The following RORB variants were observed in gnomAD, a reference collection of about 807,000 sequenced individuals.
The protein encoded by RORB is RAR related orphan receptor B.
A neutral mutation model predicts 59.1 loss-of-function variants in RORB; 6 were observed. That is an observed-to-expected ratio of 0.10 (90% CI 0.06 to 0.20). The LOEUF (loss-of-function observed/expected upper bound fraction) is 0.20, where lower values mean the gene tolerates loss of function less well. RORB is among the 10% of genes least tolerant of loss of function. RORB has a pLI of 1.00. For synonymous variants in RORB, 215 were observed against 204.5 expected, an observed-to-expected ratio of 1.05 and a Z score of -0.44; for missense variants, 320 against 560.5, an observed-to-expected ratio of 0.57 and a Z score of 4.33.
At chr9:74,539,005 A>T (rs1826364657) in intron 1 of RORB, among the ~76,000 whole-genome samples, 1 of 152,074 alleles carries the variant, frequency 6.6e-6, no homozygotes, top group Admixed American at 6.6e-5. Context: ...ATTCTACACT[A>T]ATTAAATACA....
chr9:74,587,916 C>A (rs1426284645), intron 1 of RORB, among the ~76,000 whole-genome samples: 2 of 152,146 alleles, frequency 1.3e-5, no homozygotes, highest in Non-Finnish European at 2.9e-5. Context: ...GGAGCCATTA[C>A]TGCAATAATC....
At chr9:74,502,768 G>A (rs1335707387) in intron 1 of RORB, among the ~76,000 whole-genome samples, 13 of 151,982 alleles carry the variant, frequency 8.6e-5, no homozygotes, top group Non-Finnish European at 1.0e-4. Flanking sequence ...AAACATATTA[G>A]GAAATAAGAA....
intron 7 of RORB, among the ~76,000 whole-genome samples, chr9:74,666,241 A>C (rs7046125): frequency 0.37 from 56,279 of 151,952 alleles, 11,551 homozygotes; most frequent in East Asian, 0.65. Flanking sequence ...GAGCTGAGAT[A>C]GTTCCACTGC....
At chr9:74,598,486 A>T (rs1823007204) in intron 1 of RORB, among the ~76,000 whole-genome samples, 1 of 151,686 alleles carries the variant, frequency 6.6e-6, no homozygotes, top group African/African-American at 2.4e-5. Flanking sequence ...ACTTTTTTAA[A>T]TTTTTTTTTA....
At chr9:74,560,202 C>G (rs1790461712) in intron 1 of RORB, among the ~76,000 whole-genome samples, 1 of 152,098 alleles carries the variant, frequency 6.6e-6, no homozygotes, top group Admixed American at 6.6e-5. Context: ...CTAGAAGCAT[C>G]CTTTGGGTGT....
At chr9:74,558,806 C>A (rs1421757070) in intron 1 of RORB, among the ~76,000 whole-genome samples, 1 of 152,148 alleles carries the variant, frequency 6.6e-6, no homozygotes, top group Non-Finnish European at 1.5e-5. Flanking sequence ...TGTTCAGGAG[C>A]TTTGCAATCT....
At position 74,665,554 on chromosome 9, in the gene RORB, T is replaced by C. The variant is rs1217007676; in HGVS notation, c.959T>C (p.Phe320Ser). 1 of 1,613,266 alleles carries C rather than the reference T, an allele frequency of 6.2e-7. No homozygotes were observed. The highest frequency in any genetic ancestry group is 2.2e-5 in the East Asian group (1 of 44,862). Residue 320 changes from phenylalanine to serine, a missense_variant, in exon 7 of 10, where the codon TTT becomes TCT. Phe to Ser is a radical substitution (Grantham distance 155). This residue lies in a region of RORB where 109 missense variants were observed against 171.0 expected (regional missense o/e 0.64). Transcript: ENST00000376896. Reference sequence around the variant, plus strand: ...AACCCATTAAACAACACTGTTCTGTTTGAAGGAAAATATGGAGGAATGCAA... The same window carrying C: ...AACCCATTAAACAACACTGTTCTGTCTGAAGGAAAATATGGAGGAATGCAA... Reference protein sequence around the residue: ...AFNPLNNTVLFEGKYGGMQMF... With the variant: ...AFNPLNNTVLSEGKYGGMQMF...
At chr9:74,663,164 C>T (rs1355974606) in intron 6 of RORB, among the ~76,000 whole-genome samples, 1 of 152,044 alleles carries the variant, frequency 6.6e-6, no homozygotes, top group African/African-American at 2.4e-5. Flanking sequence ...ATGTTATTAC[C>T]AAACAGGAAA....
At chr9:74,570,900 AT>A (rs1487414829) in intron 1 of RORB, among the ~76,000 whole-genome samples, 1 of 151,854 alleles carries the variant, frequency 6.6e-6, no homozygotes, top group Non-Finnish European at 1.5e-5. Flanking sequence ...TATTATTAAT[AT>A]TTTTTAAAGT....
At chr9:74,611,649 G>GTTTA (rs1823233537) in intron 1 of RORB, among the ~76,000 whole-genome samples, 2 of 151,978 alleles carry the variant, frequency 1.3e-5, no homozygotes, top group African/African-American at 4.8e-5. Context: ...TGGTTTATTT[G>GTTTA]TTTGTTTGTT....
intron 1 of RORB, among the ~76,000 whole-genome samples, chr9:74,582,424 T>G (rs929101880): frequency 2.0e-5 from 3 of 152,166 alleles, no homozygotes; most frequent in Admixed American, 2.0e-4. Flanking sequence ...GCCCTAGGAA[T>G]GGCAGATAAG....
intron 5 of RORB, among the ~76,000 whole-genome samples, chr9:74,661,005 T>C (rs1317585108): frequency 2.0e-5 from 3 of 152,168 alleles, no homozygotes; most frequent in Non-Finnish European, 4.4e-5. Context: ...ACGGCCCTAT[T>C]TGAGTGACTA....
Position 74,665,604 on chromosome 9 carries a change from C to G in RORB, c.1000+9C>G. On this transcript the variant is annotated intron_variant, in intron 7 of 9. Coordinates refer to ENST00000376896, the MANE Select transcript of RORB (RefSeq NM_006914.4). ...AATGTTCAAAGCCTTAGGTAAGTTT[C>G]CCTTTGATGAGGACACAATTTTATT... The G allele has an allele frequency of 6.4e-7, 1 of 1,555,202 alleles. No individual in the cohort carries two copies. The highest frequency in any genetic ancestry group is 1.7e-5 in the Admixed American group (1 of 59,356).
At chr9:74,632,022 A>G (rs1380328905) in intron 2 of RORB, among the ~76,000 whole-genome samples, 1 of 152,220 alleles carries the variant, frequency 6.6e-6, no homozygotes, top group Non-Finnish European at 1.5e-5. Context: ...TCTGGTTTAC[A>G]TAATATCTAC....
chr9:74,645,769 GA>G (rs1393982870), intron 4 of RORB, among the ~76,000 whole-genome samples: 3 of 152,074 alleles, frequency 2.0e-5, no homozygotes, highest in Admixed American at 2.0e-4. Context: ...TCGAGGCTTA[GA>G]AGTTATATAA....
rs1277708430 is a variant in RORB at position 74,576,295 on chromosome 9, TC to T, written c.8-53985del. 2.0e-4 allele frequency among the ~76,000 whole-genome samples: 30 copies of T among 152,248 alleles called. No homozygotes were observed. The East Asian group carries it at 5.4e-3, about 27-fold the overall frequency. On this transcript the variant is annotated intron_variant, in intron 1 of 9. Transcript: ENST00000376896. ...CATTGTTTGGGACCATGTACACCCATCCTGGCTCCTGTCTGTAACAGCTAAT... is the reference window on the plus strand; with the variant it reads ...CATTGTTTGGGACCATGTACACCCATCTGGCTCCTGTCTGTAACAGCTAAT...
intron 1 of RORB, among the ~76,000 whole-genome samples, chr9:74,613,439 G>T (rs1248941266): frequency 6.6e-6 from 1 of 152,196 alleles, no homozygotes; most frequent in Admixed American, 6.5e-5. Flanking sequence ...TGACTCAGTA[G>T]TTGCTGGGGT....
intron 1 of RORB, among the ~76,000 whole-genome samples, chr9:74,554,912 C>G (rs1481479852): frequency 6.6e-6 from 1 of 152,166 alleles, no homozygotes; most frequent in Non-Finnish European, 1.5e-5. Flanking sequence ...GATACAGTTA[C>G]CCCAGTGGTT....
At chr9:74,556,116 A>G (rs888889909) in intron 1 of RORB, among the ~76,000 whole-genome samples, 1 of 152,230 alleles carries the variant, frequency 6.6e-6, no homozygotes, top group African/African-American at 2.4e-5. Context: ...CTGATATAAC[A>G]TAATTATTGT....
Sources: gnomAD v4.1 joint callset for allele counts (sites outside exome capture counted in the v4.1 genomes callset) on GRCh38, gnomAD v4.1.1 for gene constraint, gnomAD v4.1.1 regional missense constraint, MANE v1.5 for transcripts, NCBI Gene and HGNC (gene_info 2026-07-23, HGNC 2026-07-21) for gene names.